CA10: variants seen among roughly 807,000 people sequenced by gnomAD.
CA10 encodes carbonic anhydrase 10 (inactive).
Under a neutral mutation model 44.2 loss-of-function variants are expected in CA10, and 14 were observed. The observed-to-expected ratio is 0.32, with a 90% CI of 0.21 to 0.50. CA10 has a LOEUF of 0.50. Among genes scored for constraint, CA10 ranks in the 20% least tolerant of loss-of-function variants. The pLI is 0.99. For synonymous variants in CA10, 159 were observed against 141.6 expected, an observed-to-expected ratio of 1.12 and a Z score of -0.87; for missense variants, 350 against 409.7, an observed-to-expected ratio of 0.85 and a Z score of 1.26.
chr17:52,046,710 A>G (rs1986922576), intron 2 of CA10, among the ~76,000 whole-genome samples: 1 of 151,892 alleles, frequency 6.6e-6, no homozygotes, highest in South Asian at 2.1e-4. Context: ...CTTGACACTA[A>G]AACCAGACAA....
intron 3 of CA10, among the ~76,000 whole-genome samples, chr17:51,754,728 C>T (rs1905026405): frequency 1.3e-5 from 2 of 151,846 alleles, no homozygotes; most frequent in South Asian, 4.2e-4. Flanking sequence ...AGAAATATCC[C>T]AATTAATGTT....
intron 2 of CA10, among the ~76,000 whole-genome samples, chr17:51,990,372 A>C (rs902882882): frequency 6.6e-6 from 1 of 152,074 alleles, no homozygotes; most frequent in Non-Finnish European, 1.5e-5. Flanking sequence ...ATATTAAGAA[A>C]ACATTTATGA....
upstream of CA10, chr17:52,159,866 T>G (rs1253046899): frequency 1.3e-5 from 2 of 152,290 alleles, no homozygotes; most frequent in Admixed American, 6.5e-5. Context: ...AGACAAAATC[T>G]CAACAGATTT....
chr17:51,788,761 G>A (rs1391459331), intron 3 of CA10, among the ~76,000 whole-genome samples: 2 of 152,092 alleles, frequency 1.3e-5, no homozygotes, highest in African/African-American at 2.4e-5. Flanking sequence ...GAAGTGAATA[G>A]ACACAGATTA....
At chr17:51,760,341 C>G (rs530155879) in intron 3 of CA10, among the ~76,000 whole-genome samples, 6 of 152,280 alleles carry the variant, frequency 3.9e-5, no homozygotes, top group African/African-American at 1.4e-4. Context: ...GTGTCCTTGC[C>G]CCTATAGGCT....
At chr17:52,140,187 C>T (rs944270493) in intron 1 of CA10, among the ~76,000 whole-genome samples, 1 of 152,120 alleles carries the variant, frequency 6.6e-6, no homozygotes, top group Non-Finnish European at 1.5e-5. Context: ...GTCTTTTTTA[C>T]CCCAAACTCA....
At chr17:51,949,339 G>A (rs1006946126) in intron 2 of CA10, among the ~76,000 whole-genome samples, 1 of 152,054 alleles carries the variant, frequency 6.6e-6, no homozygotes. Flanking sequence ...TCTACAGCTG[G>A]GAAGAAGAAT....
rs187141404 is a variant in CA10 at position 51,880,202 on chromosome 17, T to A, written c.279+50788A>T. ...ACCGTAATAAGGCTCTTCCCCATAG[T>A]TCCCTCCTCCCTTTATTCCTCCTGA... On this transcript the variant is annotated intron_variant, in intron 3 of 8. Coordinates refer to ENST00000451037, the MANE Select transcript of CA10 (RefSeq NM_020178.5). Among the ~76,000 whole-genome samples the A allele has an allele frequency of 8.7e-4, 132 of 152,270 alleles. 3 individuals are homozygous for A. The highest frequency in any genetic ancestry group is 8.4e-3 in the Admixed American group (129 of 15,292).
rs1256545888 is a variant in CA10 at position 51,633,742 on chromosome 17, G to A, written c.790-92C>T. 3.6e-6 allele frequency: 5 copies of A among 1,385,516 alleles called. No individual in the cohort carries two copies. The Admixed American group carries it at 8.5e-5, about 23-fold the overall frequency. 85.8% of individuals were successfully genotyped at this position (1,385,516 alleles called of 1,614,324 possible). ...CACAGAGACTCTGGCCAAGCTAGGT[G>A]GTATTGGCTGTATGAGGAAAGGGCT... On this transcript the variant is annotated intron_variant, in intron 7 of 8. Transcript: ENST00000451037.
At chr17:51,914,354 G>A (rs1981908187) in intron 3 of CA10, among the ~76,000 whole-genome samples, 2 of 152,130 alleles carry the variant, frequency 1.3e-5, no homozygotes, top group African/African-American at 4.8e-5. Context: ...CTCTATGGCT[G>A]CCAGAACTGC....
intron 4 of CA10, among the ~76,000 whole-genome samples, chr17:51,737,850 C>A (rs1916963454): frequency 6.6e-6 from 1 of 152,076 alleles, no homozygotes; most frequent in Non-Finnish European, 1.5e-5. Flanking sequence ...TGACAGTAAC[C>A]CTACTGTTGC....
intron 1 of CA10, among the ~76,000 whole-genome samples, chr17:52,119,210 ACTAGT>A (rs1988960167): frequency 7.9e-6 from 1 of 126,734 alleles, no homozygotes; most frequent in African/African-American, 2.7e-5. Context: ...GAATTTGGAA[ACTAGT>A]CATGAGTATT....
chr17:51,781,304 T>C (rs1906049018), intron 3 of CA10, among the ~76,000 whole-genome samples: 1 of 152,260 alleles, frequency 6.6e-6, no homozygotes, highest in South Asian at 2.1e-4. Context: ...TCTTGACATT[T>C]ACTGAGTGTT....
At chr17:51,811,720 A>G (rs1233306113) in intron 3 of CA10, among the ~76,000 whole-genome samples, 2 of 152,148 alleles carry the variant, frequency 1.3e-5, no homozygotes, top group African/African-American at 4.8e-5. Flanking sequence ...AGTCTTTGCT[A>G]TTGTGAATAG....
At chr17:51,901,287 C>G (rs1293803994) in intron 3 of CA10, among the ~76,000 whole-genome samples, 1 of 152,086 alleles carries the variant, frequency 6.6e-6, no homozygotes. Context: ...GGGGCAAAGG[C>G]TCAGCTTAGT....
At chr17:51,649,361 G>T in intron 5 of CA10, 107 bp from the exon 6 acceptor site, 1 of 837,974 alleles carries the variant, frequency 1.2e-6, no homozygotes. Context: ...TCTACCATGA[G>T]CCAAACACAA....
rs538312167 is a variant in CA10, at chr17:51,726,109, C to T, written c.465+21524G>A. ...AGGCAAACAGGGCAGGAGGATGGAG[C>T]GTTCTGGGCAGATGAATGCCTATGC... On this transcript the variant is annotated intron_variant, in intron 4 of 8. Coordinates refer to ENST00000451037, the MANE Select transcript of CA10 (RefSeq NM_020178.5). Among the ~76,000 whole-genome samples, 11 of 152,250 alleles carry T rather than the reference C, an allele frequency of 7.2e-5. No homozygotes were observed. The South Asian group carries it at 2.1e-3, about 29-fold the overall frequency.
At chr17:51,956,806 C>CT (rs777952837) in intron 2 of CA10, among the ~76,000 whole-genome samples, 2,468 of 150,474 alleles carry the variant, frequency 0.016, 31 homozygotes, top group Non-Finnish European at 0.026. Context: ...AAAGCAGAGG[C>CT]TTTTTTTTTG....
intron 3 of CA10, among the ~76,000 whole-genome samples, chr17:51,881,581 AAGAC>A (rs1980377969): frequency 6.6e-6 from 1 of 152,142 alleles, no homozygotes; most frequent in Non-Finnish European, 1.5e-5. Flanking sequence ...CAATATAAAA[AAGAC>A]AGCCTATCTG....
Sources: gnomAD v4.1 joint callset for allele counts (sites outside exome capture counted in the v4.1 genomes callset) on GRCh38, gnomAD v4.1.1 for gene constraint, MANE v1.5 for transcripts, NCBI Gene and HGNC (gene_info 2026-07-23, HGNC 2026-07-21) for gene names.